Variants in ARHGEF17 observed in about 807,000 individuals in gnomAD.
ARHGEF17 encodes 164 kDa Rho-specific guanine-nucleotide exchange factor.
ARHGEF17 carries 80 observed loss-of-function variants against 174.0 expected under a neutral mutation model. That is an observed-to-expected ratio of 0.46 (90% confidence interval 0.38 to 0.55). The LOEUF (loss-of-function observed/expected upper bound fraction) is 0.55, where lower values mean the gene tolerates loss of function less well. Ranked by LOEUF, ARHGEF17 falls within the 20% of genes least tolerant of loss-of-function variation. The probability of loss-of-function intolerance (pLI) is 0.00; values close to 1 mark genes in which losing one functional copy is unlikely to be tolerated. For synonymous variants in ARHGEF17, 1,311 were observed against 1,189.1 expected (o/e 1.10, Z -2.11); for missense variants, 2,886 against 2,839.7 (o/e 1.02, Z -0.37).
chr11:73,340,393 C>A (rs942674985), intron 1 of ARHGEF17, among the ~76,000 whole-genome samples: 1 of 152,138 alleles, frequency 6.6e-6, no homozygotes, highest in African/African-American at 2.4e-5. Context: ...ACCTCAGGAC[C>A]TTGTTCTTGC....
At chr11:73,347,623 T>G (rs1865485785) in intron 2 of ARHGEF17, among the ~76,000 whole-genome samples, 1 of 152,286 alleles carries the variant, frequency 6.6e-6, no homozygotes, top group East Asian at 1.9e-4. Context: ...GCTGGTCCCA[T>G]AGCTATGCTG....
At chr11:73,332,515 A>G (rs978018453) in intron 1 of ARHGEF17, among the ~76,000 whole-genome samples, 4 of 152,252 alleles carry the variant, frequency 2.6e-5, no homozygotes, top group Admixed American at 6.5e-5. Flanking sequence ...CAGTAAGTGC[A>G]TGAATCTCTG....
At chr11:73,339,603 G>C (rs768352865) in intron 1 of ARHGEF17, among the ~76,000 whole-genome samples, 3 of 152,190 alleles carry the variant, frequency 2.0e-5, no homozygotes, top group Non-Finnish European at 2.9e-5. Context: ...CTCAGACTGG[G>C]TGGTGTGTCC....
At chr11:73,319,439 C>A (rs909742258) in intron 1 of ARHGEF17, among the ~76,000 whole-genome samples, 1 of 152,204 alleles carries the variant, frequency 6.6e-6, no homozygotes, top group Non-Finnish European at 1.5e-5. Context: ...ATCTTCCCAT[C>A]TCAGAATCCT....
chr11:73,356,415 C>T, intron 6 of ARHGEF17, 64 bp downstream of exon 6: 3 of 1,502,088 alleles, frequency 2.0e-6, no homozygotes, highest in Non-Finnish European at 2.7e-6. Flanking sequence ...CACTCGGCCT[C>T]TGTGTGCATC....
rs999620833 is a variant in ARHGEF17 at position 73,356,500 on chromosome 11, G to C, written c.3840+149G>C. 7.8e-6 allele frequency: 9 copies of C among 1,158,780 alleles called. No homozygotes were observed. The Admixed American group carries it at 8.5e-5, about 11-fold the overall frequency. 71.8% of individuals were successfully genotyped at this position (1,158,780 alleles called of 1,614,324 possible). On this transcript the variant is annotated intron_variant, in intron 6 of 20. Coordinates refer to ENST00000263674, the MANE Select transcript of ARHGEF17 (RefSeq NM_014786.4). ...TTTGCATCCATGTCTGCCAGCCTCT[G>C]TGGCCACACGTCTCCACCTGTCTGT...
rs900129079 is a variant in ARHGEF17, at chr11:73,309,972, C to T, written c.1334C>T (p.Ala445Val). 6.2e-7 allele frequency: 1 copy of T among 1,613,988 alleles called. No homozygotes were observed. Among genetic ancestry groups the T allele is most frequent in the Middle Eastern group, 1.6e-4 (1 of 6,062 alleles). The change falls in exon 1 of 21, where the codon GCA (alanine) becomes GTA (valine). Residue 445 changes from alanine (A) to valine (V), a missense_variant. By Grantham distance (64) the Ala-to-Val change is moderately conservative. Around this residue, in one of 4 missense-constraint regions of ARHGEF17, gnomAD observed 1,728 missense variants for 1,461.2 expected, o/e 1.18. Coordinates refer to ENST00000263674, the MANE Select transcript of ARHGEF17 (RefSeq NM_014786.4). Reference sequence around the variant, plus strand: ...AAAGGACCTGGAGGCACCTCTAGGGCATTGAGGGATGGAGGATTTGAGCCT... The same window carrying T: ...AAAGGACCTGGAGGCACCTCTAGGGTATTGAGGGATGGAGGATTTGAGCCT... ...RAKGPGGTSR[A>V]LRDGGFEPEK...
intron 1 of ARHGEF17, among the ~76,000 whole-genome samples, chr11:73,320,294 C>T (rs1250653258): frequency 1.3e-5 from 2 of 152,070 alleles, no homozygotes; most frequent in East Asian, 1.9e-4. Context: ...AGGCTGTAGT[C>T]GATGGGGGCA....
At chr11:73,359,782 C>T (rs1479844127) in intron 9 of ARHGEF17, 52 bp from the exon 10 acceptor site, 6 of 1,452,694 alleles carry the variant, frequency 4.1e-6, no homozygotes, top group Non-Finnish European at 5.5e-6. Flanking sequence ...TCTGTCCCAG[C>T]CTGACCTTGT....
intron 2 of ARHGEF17, among the ~76,000 whole-genome samples, chr11:73,351,352 G>A (rs547691470): frequency 9.9e-5 from 15 of 152,102 alleles, no homozygotes; most frequent in East Asian, 7.7e-4. Flanking sequence ...CAGTTACAGC[G>A]TAGGGCCAGT....
At chr11:73,318,615 G>A (rs763050039) in intron 1 of ARHGEF17, among the ~76,000 whole-genome samples, 2 of 152,248 alleles carry the variant, frequency 1.3e-5, no homozygotes, top group Non-Finnish European at 2.9e-5. Context: ...GGGCGACAGA[G>A]TGAGACCTTG....
At chr11:73,343,417 A>C in intron 1 of ARHGEF17, 1 of 390,354 alleles carries the variant, frequency 2.6e-6, no homozygotes, top group Non-Finnish European at 4.5e-6. Flanking sequence ...GGAGACCTGG[A>C]GATTGCCGGT....
At chr11:73,326,413 T>G (rs535276160) in intron 1 of ARHGEF17, among the ~76,000 whole-genome samples, 6 of 152,266 alleles carry the variant, frequency 3.9e-5, no homozygotes, top group African/African-American at 9.6e-5. Flanking sequence ...AAGCCTGGAC[T>G]TGATCCCAGA....
In ARHGEF17 at chr11:73,310,608, C is replaced by A. The variant is rs1591714188; in HGVS notation, c.1970C>A (p.Ala657Glu). ...GGGGCAGACCCTGAGCCTCCTGTTG[C>A]AGCATTTTGCGGCCTGGGTACCACA... ...GIGADPEPPV[A>E]AFCGLGTTGM... The change falls in exon 1 of 21, where the codon GCA becomes GAA. Residue 657 changes from alanine to glutamate, a missense_variant. Ala to Glu is a moderately radical substitution (Grantham distance 107). Coordinates refer to ENST00000263674, the MANE Select transcript of ARHGEF17 (RefSeq NM_014786.4). 1.2e-6 allele frequency: 2 copies of A among 1,614,048 alleles called. No individual in the cohort carries two copies. Among genetic ancestry groups the A allele is most frequent in the African/African-American group, 1.3e-5 (1 of 74,930 alleles).
chr11:73,355,381 A>G (rs1865620267), intron 3 of ARHGEF17, 152 bp from the exon 4 acceptor site: 1 of 628,368 alleles, frequency 1.6e-6, no homozygotes, highest in African/African-American at 1.8e-5. Flanking sequence ...GACCACACTT[A>G]GAGCCACAGG....
chr11:73,311,534 T>G lies in ARHGEF17; in HGVS notation c.2896T>G (p.Phe966Val). ...TCGCCATGCCAGTGTGCCCGCCACA[T>G]TTATGCCTATTGTGGTGCCTGAGCC... ...HVRHASVPAT[F>V]MPIVVPEPPT... The change falls in exon 1 of 21, where the codon TTT becomes GTT. Residue 966 changes from phenylalanine to valine, a missense_variant. This residue lies in a region of ARHGEF17 where 1,728 missense variants were observed against 1,461.2 expected (regional missense o/e 1.18). Coordinates refer to ENST00000263674, the MANE Select transcript of ARHGEF17 (RefSeq NM_014786.4). 6.2e-7 allele frequency: 1 copy of G among 1,613,500 alleles called. No homozygotes were observed. Among genetic ancestry groups the G allele is most frequent in the Non-Finnish European group, 8.5e-7 (1 of 1,180,026 alleles).
chr11:73,322,009 G>C (rs906358118), intron 1 of ARHGEF17, among the ~76,000 whole-genome samples: 3 of 152,218 alleles, frequency 2.0e-5, no homozygotes, highest in African/African-American at 7.2e-5. Flanking sequence ...CTGCCAGCCA[G>C]CCCCACAGCC....
chr11:73,356,380 AC>A, intron 6 of ARHGEF17, 29 bp downstream of exon 6: 2 of 1,159,830 alleles, frequency 1.7e-6, no homozygotes, highest in Non-Finnish European at 2.2e-6. Context: ...ACCCCACCCT[AC>A]CCCACCCCAC....
chr11:73,363,527 C>T, intron 15 of ARHGEF17, 72 bp downstream of exon 15: 1 of 1,553,842 alleles, frequency 6.4e-7, no homozygotes, highest in Non-Finnish European at 8.7e-7. Context: ...TCATGTGGTC[C>T]CCTGGAGCCA....
Sources: gnomAD v4.1 joint callset for allele counts (sites outside exome capture counted in the v4.1 genomes callset) on GRCh38, gnomAD v4.1.1 for gene constraint, gnomAD v4.1.1 regional missense constraint, MANE v1.5 for transcripts, NCBI Gene and HGNC (gene_info 2026-07-23, HGNC 2026-07-21) for gene names.